The following BRINP3 variants were observed in gnomAD, a reference collection of about 807,000 sequenced individuals.
The protein encoded by BRINP3 is BMP/retinoic acid inducible neural specific 3.
Under a neutral mutation model 71.0 loss-of-function variants are expected in BRINP3, and 19 were observed. The ratio of observed to expected loss-of-function variants is 0.27; its 90% CI spans 0.19 to 0.39. BRINP3 has a LOEUF of 0.39. BRINP3 is among the 10% of genes least tolerant of loss of function. BRINP3 has a pLI of 1.00. For missense variants in BRINP3, 959 were observed against 940.8 expected, an observed-to-expected ratio of 1.02 and a Z score of -0.25; for synonymous variants, 380 against 337.7, an observed-to-expected ratio of 1.13 and a Z score of -1.37.
chr1:190,156,602 T>C (rs565956746), intron 7 of BRINP3, among the ~76,000 whole-genome samples: 30 of 152,034 alleles, frequency 2.0e-4, no homozygotes, highest in Admixed American at 5.9e-4. Flanking sequence ...ACATTGGCAG[T>C]AAAAGAAAAA....
chr1:190,428,640 A>G (rs954857216), intron 2 of BRINP3, among the ~76,000 whole-genome samples: 1 of 152,024 alleles, frequency 6.6e-6, no homozygotes, highest in Non-Finnish European at 1.5e-5. Flanking sequence ...TCATTCTTTA[A>G]TTTAATAAAA....
intron 2 of BRINP3, among the ~76,000 whole-genome samples, chr1:190,433,960 TTTCTGCGAAA>T (rs1674279077): frequency 6.6e-6 from 1 of 152,124 alleles, no homozygotes; most frequent in South Asian, 2.1e-4. Context: ...CCACCCCGGT[TTTCTGCGAAA>T]TTAGTTACTT....
chr1:190,112,809 A>C (rs1652802071), intron 7 of BRINP3, among the ~76,000 whole-genome samples: 1 of 152,066 alleles, frequency 6.6e-6, no homozygotes, highest in African/African-American at 2.4e-5. Flanking sequence ...TCAATGCCTA[A>C]AGTTGTTTTG....
intron 2 of BRINP3, among the ~76,000 whole-genome samples, chr1:190,305,987 T>C (rs1482874015): frequency 1.3e-5 from 2 of 151,988 alleles, no homozygotes; most frequent in South Asian, 4.1e-4. Flanking sequence ...CACATACTTA[T>C]AACAATAAAA....
intron 2 of BRINP3, among the ~76,000 whole-genome samples, chr1:190,445,123 T>G (rs1048205071): frequency 6.6e-6 from 1 of 151,976 alleles, no homozygotes; most frequent in African/African-American, 2.4e-5. Context: ...ATGGGGAAGT[T>G]AAAAAATTTA....
intron 2 of BRINP3, among the ~76,000 whole-genome samples, chr1:190,332,810 G>T (rs1667053170): frequency 1.3e-5 from 2 of 152,044 alleles, no homozygotes; most frequent in South Asian, 4.1e-4. Flanking sequence ...ATAAGAGAAA[G>T]ACAATAAATA....
intron 2 of BRINP3, among the ~76,000 whole-genome samples, chr1:190,417,391 C>A (rs1195732117): frequency 6.6e-6 from 1 of 152,004 alleles, no homozygotes. Flanking sequence ...TGGCAGAATT[C>A]TTCTTGTATC....
At chr1:190,288,412 T>C (rs1316803814) in intron 2 of BRINP3, among the ~76,000 whole-genome samples, 6 of 152,026 alleles carry the variant, frequency 3.9e-5, no homozygotes, top group Non-Finnish European at 7.4e-5. Context: ...TTTGTGAATA[T>C]ATTTTATTAT....
intron 2 of BRINP3, among the ~76,000 whole-genome samples, chr1:190,415,320 T>C (rs1379560364): frequency 1.3e-5 from 2 of 152,204 alleles, no homozygotes; most frequent in East Asian, 3.9e-4. Context: ...TAAGTGACTA[T>C]ATGTTGAAGA....
chr1:190,148,576 C>G, intron 7 of BRINP3, among the ~76,000 whole-genome samples: 1 of 150,284 alleles, frequency 6.7e-6, no homozygotes, highest in African/African-American at 2.4e-5. Flanking sequence ...GCCAGGGCGA[C>G]AGAGTTGAGA....
At chr1:190,361,144 G>A (rs1669120580) in intron 2 of BRINP3, among the ~76,000 whole-genome samples, 1 of 151,938 alleles carries the variant, frequency 6.6e-6, no homozygotes, top group Admixed American at 6.6e-5. Flanking sequence ...ACAGGGACAA[G>A]CAGGAATAAG....
intron 7 of BRINP3, among the ~76,000 whole-genome samples, chr1:190,113,218 A>T (rs1652840601): frequency 6.6e-6 from 1 of 151,486 alleles, no homozygotes; most frequent in Non-Finnish European, 1.5e-5. Flanking sequence ...TTCTTCTTCC[A>T]CTCCTCCTCA....
intron 6 of BRINP3, among the ~76,000 whole-genome samples, chr1:190,161,388 A>T (rs181053587): frequency 2.0e-5 from 3 of 151,522 alleles, no homozygotes; most frequent in Non-Finnish European, 4.4e-5. Context: ...ACCTTTTTAA[A>T]TATAAAATTT....
intron 3 of BRINP3, among the ~76,000 whole-genome samples, chr1:190,269,061 T>C (rs866031505): frequency 6.6e-6 from 1 of 152,112 alleles, no homozygotes; most frequent in Non-Finnish European, 1.5e-5. Context: ...CATATCTGAA[T>C]GCAAATTGTA....
intron 6 of BRINP3, among the ~76,000 whole-genome samples, chr1:190,181,846 T>C (rs1178138611): frequency 6.6e-6 from 1 of 152,038 alleles, no homozygotes; most frequent in Non-Finnish European, 1.5e-5. Flanking sequence ...TTTAACCTTC[T>C]GTTATTTCTT....
chr1:190,101,875 A>G (rs1248075705), intron 7 of BRINP3, among the ~76,000 whole-genome samples: 2 of 152,192 alleles, frequency 1.3e-5, no homozygotes. Flanking sequence ...GAAAAGCAAG[A>G]ACTTTTTTCA....
chr1:190,320,510 T>G, intron 2 of BRINP3, among the ~76,000 whole-genome samples: 1 of 152,148 alleles, frequency 6.6e-6, no homozygotes, highest in East Asian at 1.9e-4. Flanking sequence ...ATATTTGTTT[T>G]ATAACAATTT....
At chr1:190,266,846 C>T (rs1175988716) in intron 3 of BRINP3, among the ~76,000 whole-genome samples, 1 of 151,698 alleles carries the variant, frequency 6.6e-6, no homozygotes, top group Non-Finnish European at 1.5e-5. Flanking sequence ...AGAGACATGT[C>T]TAAATAAGGA....
Position 190,286,489 on chromosome 1 carries a change from C to T in BRINP3, c.237-4739G>A, listed in dbSNP as rs142051057. ...GGCTTTCCCAAAACACAGAATTTGCCACTCTTCATATTAGAAATTTTGGAT... is the reference window on the plus strand; with the variant it reads ...GGCTTTCCCAAAACACAGAATTTGCTACTCTTCATATTAGAAATTTTGGAT... On this transcript the variant is annotated intron_variant, in intron 2 of 7. Transcript: ENST00000367462. Among the ~76,000 whole-genome samples the T allele has an allele frequency of 1.3e-4, 20 of 152,100 alleles. No individual in the cohort carries two copies. The East Asian group carries it at 3.9e-3, about 29-fold the overall frequency.
Sources: gnomAD v4.1 joint callset for allele counts (sites outside exome capture counted in the v4.1 genomes callset) on GRCh38, gnomAD v4.1.1 for gene constraint, MANE v1.5 for transcripts, NCBI Gene and HGNC (gene_info 2026-07-23, HGNC 2026-07-21) for gene names.